Variants in CEP120 observed in about 807,000 individuals in gnomAD.
The protein encoded by CEP120 is centrosomal protein of 120 kDa.
Under a neutral mutation model 126.5 loss-of-function variants are expected in CEP120, and 113 were observed. The ratio of observed to expected loss-of-function variants is 0.89; its 90% CI spans 0.77 to 1.04. CEP120 has a LOEUF of 1.04. CEP120 is among the 50% of genes least tolerant of loss of function. CEP120 has a pLI of 0.00. For missense variants in CEP120, 1,230 were observed against 1,155.7 expected, an observed-to-expected ratio of 1.06 and a Z score of -0.93; for synonymous variants, 400 against 394.3, an observed-to-expected ratio of 1.01 and a Z score of -0.17.
chr5:123,378,440 T>TAAAA lies in CEP120; in HGVS notation c.2104-16_2104-13dup, dbSNP rs76942218. ...GTATATTCAGCCACCTAAAATATAG[T>TAAAA]AAAAAAAAAAAAAAAAAAGTTACCT... On this transcript the variant is annotated splice_polypyrimidine_tract_variant and intron_variant, in intron 14 of 19. Transcript: ENST00000306467. The TAAAA allele has an allele frequency of 3.0e-5, 32 of 1,064,074 alleles. No individual in the cohort carries two copies. In the African/African-American group the frequency reaches 3.8e-4, roughly 13 times the overall value. The allele number at this position is 1,064,074 out of a possible 1,614,324, so 65.9% of individuals were successfully genotyped here.
chr5:123,346,930 G>C (rs1315212799), intron 19 of CEP120, among the ~76,000 whole-genome samples, 177 bp from the exon 20 acceptor site: 1 of 151,982 alleles, frequency 6.6e-6, no homozygotes, highest in African/African-American at 2.4e-5. Context: ...ATTTATAAAA[G>C]GCAACTTTAA....
intron 4 of CEP120, among the ~76,000 whole-genome samples, chr5:123,402,521 G>A (rs560894624): frequency 6.6e-6 from 1 of 152,186 alleles, no homozygotes; most frequent in East Asian, 1.9e-4. Flanking sequence ...AAGCAATTCT[G>A]CTGCCTCCGC....
intron 4 of CEP120, 45 bp from the exon 5 acceptor site, chr5:123,399,329 A>C (rs1773018877): frequency 7.6e-6 from 12 of 1,571,640 alleles, no homozygotes; most frequent in Non-Finnish European, 1.0e-5. Flanking sequence ...AGTTTGTCAT[A>C]AACCATTATA....
chr5:123,372,923 G>C (rs1034746668), intron 16 of CEP120, 151 bp from the exon 17 acceptor site: 2 of 608,880 alleles, frequency 3.3e-6, no homozygotes, highest in African/African-American at 3.9e-5. Flanking sequence ...GGAAAATAAA[G>C]ATCCTTAGTA....
At chr5:123,366,733 C>T (rs1160159760) in intron 17 of CEP120, among the ~76,000 whole-genome samples, 5 of 151,924 alleles carry the variant, frequency 3.3e-5, no homozygotes, top group African/African-American at 1.2e-4. Flanking sequence ...TCTATTCTAT[C>T]TACTAATCTT....
chr5:123,417,138 C>A (rs1046575640), intron 2 of CEP120, among the ~76,000 whole-genome samples: 1 of 152,094 alleles, frequency 6.6e-6, no homozygotes, highest in South Asian at 2.1e-4. Context: ...TAACCTGGCA[C>A]TAACAAAATG....
chr5:123,404,854 C>T (rs1355740594), intron 4 of CEP120, among the ~76,000 whole-genome samples: 1 of 152,132 alleles, frequency 6.6e-6, no homozygotes, highest in Non-Finnish European at 1.5e-5. Context: ...CTCTCACTTC[C>T]AGAAGACACC....
intron 18 of CEP120, among the ~76,000 whole-genome samples, chr5:123,354,445 C>A (rs1349341054): frequency 1.2e-4 from 19 of 152,064 alleles, no homozygotes; most frequent in Admixed American, 1.2e-3. Flanking sequence ...TACATTATTA[C>A]TTATTTTCGG....
chr5:123,349,349 TA>T (rs201827848), intron 19 of CEP120, among the ~76,000 whole-genome samples: 1 of 150,732 alleles, frequency 6.6e-6, no homozygotes, highest in African/African-American at 2.4e-5. Context: ...TTTGAAGATT[TA>T]AAAAAAAAGG....
chr5:123,406,600 A>G (rs1470727182), intron 4 of CEP120, among the ~76,000 whole-genome samples: 8 of 147,126 alleles, frequency 5.4e-5, no homozygotes, highest in Non-Finnish European at 1.2e-4. Context: ...AAAAAAAAAA[A>G]CCACCACCCT....
At chr5:123,393,830 CAT>C (rs1772572422) in intron 5 of CEP120, among the ~76,000 whole-genome samples, 1 of 152,170 alleles carries the variant, frequency 6.6e-6, no homozygotes, top group African/African-American at 2.4e-5. Context: ...CTTATTTTCA[CAT>C]ATTTTATTTC....
chr5:123,364,756 C>T (rs530984817), intron 17 of CEP120, among the ~76,000 whole-genome samples, 162 bp from the exon 18 acceptor site: 2 of 151,696 alleles, frequency 1.3e-5, no homozygotes, highest in Admixed American at 1.3e-4. Context: ...TATTATGGCA[C>T]ATGAACATTT....
intron 6 of CEP120, 42 bp from the exon 7 acceptor site, chr5:123,391,379 C>T: frequency 1.4e-6 from 2 of 1,385,210 alleles, no homozygotes. Context: ...TTTATACTTT[C>T]TCCTTTCTCC....
intron 5 of CEP120, 115 bp from the exon 6 acceptor site, chr5:123,393,612 A>C: frequency 7.5e-6 from 6 of 796,096 alleles, no homozygotes; most frequent in Non-Finnish European, 1.2e-5. Context: ...TTGATGTCTT[A>C]ACCGCTCAAA....
chr5:123,349,673 C>CT (rs1276739722), intron 19 of CEP120, among the ~76,000 whole-genome samples: 2 of 152,116 alleles, frequency 1.3e-5, no homozygotes, highest in Non-Finnish European at 2.9e-5. Context: ...AGGTCTCACT[C>CT]TGTCACTCAG....
intron 3 of CEP120, among the ~76,000 whole-genome samples, chr5:123,413,608 T>G (rs575811715): frequency 1.1e-4 from 17 of 152,316 alleles, no homozygotes; most frequent in Admixed American, 2.6e-4. Context: ...CTCTGATCAT[T>G]TGTTATATAA....
intron 4 of CEP120, chr5:123,402,291 C>T (rs982107865): frequency 7.2e-5 from 106 of 1,472,584 alleles, no homozygotes; most frequent in African/African-American, 2.5e-4. Context: ...GCTGAAGGCC[C>T]GGGGGCCAGA....
chr5:123,422,770 C>T (rs1397715515), intron 1 of CEP120, among the ~76,000 whole-genome samples, 180 bp downstream of exon 1: 1 of 152,222 alleles, frequency 6.6e-6, no homozygotes, highest in Non-Finnish European at 1.5e-5. Context: ...GCTCATATCC[C>T]TGGAGAGATT....
At chr5:123,350,227 A>C in intron 18 of CEP120, 138 bp from the exon 19 acceptor site, 1 of 772,044 alleles carries the variant, frequency 1.3e-6, no homozygotes, top group Admixed American at 3.0e-5. Context: ...TTTTTTTAAC[A>C]GAGTCTCACT....
Sources: allele counts gnomAD v4.1 joint callset (sites outside exome capture counted in the v4.1 genomes callset), GRCh38; gene constraint gnomAD v4.1.1; transcripts MANE v1.5; gene names NCBI Gene and HGNC (gene_info 2026-07-23, HGNC 2026-07-21).